The following RNF150 variants were observed in gnomAD, a reference collection of about 807,000 sequenced individuals.
RNF150 encodes ring finger protein 150.
Under a neutral mutation model 39.3 loss-of-function variants are expected in RNF150, and 24 were observed. The ratio of observed to expected loss-of-function variants is 0.61; its 90% CI spans 0.44 to 0.86. The LOEUF (loss-of-function observed/expected upper bound fraction) is 0.86. Among genes scored for constraint, RNF150 ranks in the 40% least tolerant of loss-of-function variants. The probability of loss-of-function intolerance (pLI) is 0.00; values close to 1 mark genes in which losing one functional copy is unlikely to be tolerated. For missense variants in RNF150, 502 were observed against 587.8 expected, an observed-to-expected ratio of 0.85 and a Z score of 1.51; for synonymous variants, 255 against 227.3, an observed-to-expected ratio of 1.12 and a Z score of -1.10.
intron 2 of RNF150, among the ~76,000 whole-genome samples, chr4:140,949,800 T>C (rs527969529): frequency 2.0e-5 from 3 of 152,342 alleles, no homozygotes; most frequent in Non-Finnish European, 2.9e-5. Context: ...TCAGGATTCA[T>C]TGCTTGGATA....
intron 6 of RNF150, among the ~76,000 whole-genome samples, chr4:140,898,605 T>C (rs1295557655): frequency 6.6e-6 from 1 of 152,254 alleles, no homozygotes; most frequent in East Asian, 1.9e-4. Flanking sequence ...TATACAGATG[T>C]GCACAGGCAC....
chr4:140,927,648 TTC>T, intron 4 of RNF150, among the ~76,000 whole-genome samples: 1 of 73,210 alleles, frequency 1.4e-5, no homozygotes, highest in Non-Finnish European at 2.5e-5. Flanking sequence ...GTTTTTTTGT[TTC>T]TTTTTTTTTT....
intron 1 of RNF150, among the ~76,000 whole-genome samples, chr4:141,161,140 T>C (rs187103554): frequency 7.2e-5 from 11 of 152,294 alleles, no homozygotes; most frequent in Admixed American, 6.5e-4. Context: ...GATAGTGATA[T>C]AGACATTAAA....
intron 5 of RNF150, among the ~76,000 whole-genome samples, chr4:140,922,956 T>C (rs1446697503): frequency 6.6e-6 from 1 of 150,824 alleles, no homozygotes; most frequent in Non-Finnish European, 1.5e-5. Flanking sequence ...TTACACCTTA[T>C]ACAAAAATTA....
intron 1 of RNF150, among the ~76,000 whole-genome samples, chr4:141,118,131 C>T (rs945660642): frequency 2.0e-5 from 3 of 152,140 alleles, no homozygotes; most frequent in Non-Finnish European, 4.4e-5. Flanking sequence ...ACAAGCTCTG[C>T]TTCCTGGGGA....
At chr4:141,144,501 G>A (rs902397197) in intron 1 of RNF150, among the ~76,000 whole-genome samples, 10 of 152,118 alleles carry the variant, frequency 6.6e-5, no homozygotes, top group African/African-American at 2.2e-4. Flanking sequence ...TGGAGAGATC[G>A]TGAATTCTAT....
intron 1 of RNF150, among the ~76,000 whole-genome samples, chr4:141,092,966 T>C (rs933494234): frequency 2.6e-5 from 4 of 152,058 alleles, no homozygotes; most frequent in African/African-American, 9.7e-5. Flanking sequence ...AAGCTAAAAC[T>C]GAAGGGCCAT....
At chr4:140,908,630 A>G (rs1347999333) in intron 6 of RNF150, among the ~76,000 whole-genome samples, 1 of 152,200 alleles carries the variant, frequency 6.6e-6, no homozygotes, top group East Asian at 1.9e-4. Context: ...TTCAATAAAC[A>G]TCTACAGAAT....
intron 1 of RNF150, among the ~76,000 whole-genome samples, chr4:141,122,052 C>A (rs1301713643): frequency 6.6e-6 from 1 of 152,120 alleles, no homozygotes; most frequent in Non-Finnish European, 1.5e-5. Flanking sequence ...GATCACTGAT[C>A]TCAACCAAGT....
chr4:141,194,043 G>T (rs527376295), intron 1 of RNF150, among the ~76,000 whole-genome samples: 48 of 152,182 alleles, frequency 3.2e-4, no homozygotes, highest in Non-Finnish European at 6.3e-4. Flanking sequence ...AAACTTGACT[G>T]CTCACATTTG....
At chr4:141,187,535 G>A (rs1261985182) in intron 1 of RNF150, among the ~76,000 whole-genome samples, 3 of 152,122 alleles carry the variant, frequency 2.0e-5, no homozygotes, top group Admixed American at 6.6e-5. Context: ...CTGGGTGCTC[G>A]TGTATTGGGT....
At chr4:141,167,992 C>T (rs899944358) in intron 1 of RNF150, among the ~76,000 whole-genome samples, 1 of 152,150 alleles carries the variant, frequency 6.6e-6, no homozygotes, top group Admixed American at 6.5e-5. Context: ...AAATCATCAT[C>T]AGAGTGAAAA....
intron 1 of RNF150, among the ~76,000 whole-genome samples, chr4:141,099,034 T>A (rs1044496194): frequency 2.6e-5 from 4 of 152,208 alleles, no homozygotes; most frequent in Non-Finnish European, 5.9e-5. Flanking sequence ...GATTTGGTGA[T>A]TCTTCTCCCT....
chr4:141,111,191 T>C (rs148625885), intron 1 of RNF150, among the ~76,000 whole-genome samples: 14 of 152,338 alleles, frequency 9.2e-5, no homozygotes, highest in East Asian at 3.9e-4. Flanking sequence ...ATCTTTCACA[T>C]AGAACAGCTA....
At chr4:141,094,951 T>G (rs926632116) in intron 1 of RNF150, among the ~76,000 whole-genome samples, 8 of 152,230 alleles carry the variant, frequency 5.3e-5, no homozygotes, top group Admixed American at 6.5e-5. Context: ...CTGCATATGA[T>G]TTGGAAAGCA....
intron 1 of RNF150, among the ~76,000 whole-genome samples, chr4:141,023,390 C>T (rs897283210): frequency 2.4e-4 from 36 of 151,114 alleles, no homozygotes; most frequent in South Asian, 6.4e-4. Context: ...AGACTACAGG[C>T]GTGCACCACC....
chr4:140,937,097 G>A (rs1042109324), intron 4 of RNF150, among the ~76,000 whole-genome samples: 1 of 152,112 alleles, frequency 6.6e-6, no homozygotes, highest in African/African-American at 2.4e-5. Context: ...CTTTAGGAAT[G>A]TATCTGAAGG....
At chr4:141,105,314 C>A (rs758396397) in intron 1 of RNF150, among the ~76,000 whole-genome samples, 1 of 152,142 alleles carries the variant, frequency 6.6e-6, no homozygotes, top group African/African-American at 2.4e-5. Context: ...AATGTGATAA[C>A]TGAATTGGAT....
At chr4:140,931,236 C>G (rs1182465189) in intron 4 of RNF150, among the ~76,000 whole-genome samples, 2 of 152,060 alleles carry the variant, frequency 1.3e-5, no homozygotes, top group African/African-American at 4.8e-5. Flanking sequence ...ATGATTTCTA[C>G]TCTTTTGTGT....
Sources: gnomAD v4.1 joint callset for allele counts (sites outside exome capture counted in the v4.1 genomes callset) on GRCh38, gnomAD v4.1.1 for gene constraint, MANE v1.5 for transcripts, NCBI Gene and HGNC (gene_info 2026-07-23, HGNC 2026-07-21) for gene names.